PTPRG: variants seen among roughly 807,000 people sequenced by gnomAD.
The protein encoded by PTPRG is protein tyrosine phosphatase receptor type G, also known as receptor-type tyrosine-protein phosphatase gamma.
PTPRG carries 102 observed loss-of-function variants against 165.3 expected under a neutral mutation model. The observed-to-expected ratio is 0.62, with a 90% confidence interval of 0.53 to 0.73. PTPRG has a LOEUF of 0.73. PTPRG is among the 30% of genes least tolerant of loss of function. The pLI is 0.00. For missense variants in PTPRG, 1,866 were observed against 1,861.4 expected, an observed-to-expected ratio of 1.00 and a Z score of -0.05; for synonymous variants, 675 against 669.5, an observed-to-expected ratio of 1.01 and a Z score of -0.13.
intron 8 of PTPRG, among the ~76,000 whole-genome samples, chr3:62,189,418 T>A (rs758168764): frequency 1.9e-4 from 29 of 152,230 alleles, no homozygotes; most frequent in Non-Finnish European, 3.8e-4. Flanking sequence ...GGGAGTCTGG[T>A]TCCTGGTGGG....
At chr3:61,694,181 G>T (rs941480277) in intron 1 of PTPRG, among the ~76,000 whole-genome samples, 11 of 152,066 alleles carry the variant, frequency 7.2e-5, no homozygotes, top group Non-Finnish European at 1.6e-4. Context: ...GCTAAGACGT[G>T]GGTGCAAAAA....
At chr3:61,949,743 T>G (rs2107621225) in intron 2 of PTPRG, among the ~76,000 whole-genome samples, 1 of 150,556 alleles carries the variant, frequency 6.6e-6, no homozygotes, top group African/African-American at 2.4e-5. Context: ...TTTTTTTTTT[T>G]GTTTGTTTGT....
At chr3:61,755,941 G>C (rs1319897441) in intron 2 of PTPRG, among the ~76,000 whole-genome samples, 1 of 152,168 alleles carries the variant, frequency 6.6e-6, no homozygotes, top group Non-Finnish European at 1.5e-5. Flanking sequence ...ACTGGGCAGT[G>C]GGAGGAAGAG....
intron 2 of PTPRG, among the ~76,000 whole-genome samples, chr3:61,977,681 T>C (rs1575843178): frequency 6.6e-6 from 1 of 152,314 alleles, no homozygotes; most frequent in East Asian, 1.9e-4. Flanking sequence ...TTTAAATTGG[T>C]AAGATATTTA....
chr3:61,761,824 C>T (rs1046850512), intron 2 of PTPRG, among the ~76,000 whole-genome samples: 2 of 152,188 alleles, frequency 1.3e-5, no homozygotes, highest in Admixed American at 6.5e-5. Context: ...AATTTTGCTG[C>T]TCCCAAAGGC....
At chr3:61,639,983 T>C (rs190240316) in intron 1 of PTPRG, among the ~76,000 whole-genome samples, 11 of 152,336 alleles carry the variant, frequency 7.2e-5, no homozygotes, top group Admixed American at 6.5e-4. Flanking sequence ...TCCTATTCTG[T>C]TTTTCATTCA....
chr3:61,736,066 C>T (rs900096108), intron 1 of PTPRG, among the ~76,000 whole-genome samples: 3 of 152,048 alleles, frequency 2.0e-5, no homozygotes, highest in Non-Finnish European at 2.9e-5. Context: ...GGCCACCATG[C>T]CTGGCTAATT....
intron 5 of PTPRG, among the ~76,000 whole-genome samples, chr3:62,122,519 T>G (rs1359497121): frequency 1.3e-4 from 20 of 152,232 alleles, no homozygotes; most frequent in Admixed American, 1.3e-3. Context: ...TAGTTTACAC[T>G]TAATTGCTGT....
chr3:61,956,271 C>G (rs573161233), intron 2 of PTPRG, among the ~76,000 whole-genome samples: 10 of 113,820 alleles, frequency 8.8e-5, no homozygotes, highest in Admixed American at 8.2e-4. Flanking sequence ...CTCGCGTGCA[C>G]GCTGTCTCTC....
intron 1 of PTPRG, among the ~76,000 whole-genome samples, chr3:61,731,272 T>A (rs560588077): frequency 1.9e-4 from 29 of 152,124 alleles, no homozygotes; most frequent in South Asian, 1.9e-3. Context: ...AGGGTTTGAC[T>A]AGTTTTGTTC....
At chr3:62,244,132 T>G (rs969591077) in intron 15 of PTPRG, among the ~76,000 whole-genome samples, 2 of 152,262 alleles carry the variant, frequency 1.3e-5, no homozygotes, top group Non-Finnish European at 2.9e-5. Context: ...AGTATCTACT[T>G]GGACTAAATT....
At chr3:62,231,906 T>C (rs1001761692) in intron 14 of PTPRG, among the ~76,000 whole-genome samples, 4 of 152,090 alleles carry the variant, frequency 2.6e-5, no homozygotes, top group Non-Finnish European at 5.9e-5. Context: ...GAAAGAGTTA[T>C]AGTAAATGTT....
At chr3:61,736,684 G>A (rs1248764814) in intron 1 of PTPRG, among the ~76,000 whole-genome samples, 1 of 152,172 alleles carries the variant, frequency 6.6e-6, no homozygotes, top group Non-Finnish European at 1.5e-5. Context: ...ACAGGTGGAA[G>A]TACACACTTA....
At chr3:61,897,891 G>A (rs545788501) in intron 2 of PTPRG, among the ~76,000 whole-genome samples, 61 of 152,030 alleles carry the variant, frequency 4.0e-4, no homozygotes, top group Admixed American at 1.8e-3. Context: ...GACTTTTCAG[G>A]TTGATCTTTT....
In PTPRG at chr3:61,884,165, C is replaced by T. The variant is rs536490713; in HGVS notation, c.191-105460C>T. Among the ~76,000 whole-genome samples, 12 of 152,216 alleles carry T rather than the reference C, an allele frequency of 7.9e-5. No individual in the cohort carries two copies. In the South Asian group the frequency reaches 1.7e-3, roughly 21 times the overall value. On this transcript the variant is annotated intron_variant, in intron 2 of 29. Transcript: ENST00000474889. ...GAGTTTTACATTTTTTCTCCTGAGC[C>T]GTTTCTTTATCCCCCTTTCGAAACC... is the stretch of plus-strand genomic sequence containing the variant.
chr3:61,649,113 CT>C (rs1422850908), intron 1 of PTPRG, among the ~76,000 whole-genome samples: 1 of 151,688 alleles, frequency 6.6e-6, no homozygotes, highest in Non-Finnish European at 1.5e-5. Flanking sequence ...ATTTATTTTA[CT>C]TCCTCCCTCC....
intron 1 of PTPRG, among the ~76,000 whole-genome samples, chr3:61,608,815 C>T (rs1254194168): frequency 1.3e-5 from 2 of 152,176 alleles, no homozygotes; most frequent in Non-Finnish European, 2.9e-5. Flanking sequence ...GCTAAGCTGC[C>T]ACTAATTCAG....
chr3:61,991,789 GAC>G (rs2040897485), intron 3 of PTPRG, among the ~76,000 whole-genome samples: 1 of 152,142 alleles, frequency 6.6e-6, no homozygotes, highest in Non-Finnish European at 1.5e-5. Flanking sequence ...TTTTCTACTT[GAC>G]TTGCAACGCT....
chr3:62,080,571 C>G (rs1701536824), intron 5 of PTPRG, among the ~76,000 whole-genome samples: 1 of 152,182 alleles, frequency 6.6e-6, no homozygotes, highest in South Asian at 2.1e-4. Context: ...CCTTCTCTGT[C>G]ATGCCAACCT....
Sources: allele counts gnomAD v4.1 joint callset (sites outside exome capture counted in the v4.1 genomes callset), GRCh38; gene constraint gnomAD v4.1.1; transcripts MANE v1.5; gene names NCBI Gene and HGNC (gene_info 2026-07-23, HGNC 2026-07-21).